KDM4C: variants seen among roughly 807,000 people sequenced by gnomAD.
The protein encoded by KDM4C is lysine demethylase 4C, also known as lysine-specific demethylase 4C.
KDM4C carries 81 observed loss-of-function variants against 129.3 expected under a neutral mutation model. The ratio of observed to expected loss-of-function variants is 0.63; its 90% CI spans 0.52 to 0.75. The LOEUF is 0.75. Ranked by LOEUF, KDM4C falls within the 30% of genes least tolerant of loss-of-function variation. KDM4C has a pLI of 0.00. For synonymous variants in KDM4C, 573 were observed against 456.1 expected, an observed-to-expected ratio of 1.26 and a Z score of -3.26; for missense variants, 1,457 against 1,304.0, an observed-to-expected ratio of 1.12 and a Z score of -1.81.
intron 1 of KDM4C, among the ~76,000 whole-genome samples, chr9:6,736,248 A>G (rs527720173): frequency 6.6e-6 from 1 of 152,284 alleles, no homozygotes; most frequent in East Asian, 1.9e-4. Flanking sequence ...AGAAAAGAAA[A>G]TCTCATTTTC....
chr9:6,949,811 C>T (rs1044087869), intron 8 of KDM4C, among the ~76,000 whole-genome samples: 7 of 152,068 alleles, frequency 4.6e-5, no homozygotes, highest in African/African-American at 7.2e-5. Flanking sequence ...AGCTTCGGCT[C>T]GGCATCAGAG....
chr9:6,803,144 C>A (rs763496690), intron 2 of KDM4C, among the ~76,000 whole-genome samples: 6 of 152,144 alleles, frequency 3.9e-5, no homozygotes, highest in Non-Finnish European at 7.3e-5. Context: ...GGGCCTGTAT[C>A]GTGCCAGCAA....
intron 8 of KDM4C, among the ~76,000 whole-genome samples, chr9:6,932,491 A>T (rs953514007): frequency 6.6e-6 from 1 of 152,216 alleles, no homozygotes; most frequent in Non-Finnish European, 1.5e-5. Context: ...ACTGAAGTTT[A>T]GAGAGATGCT....
chr9:6,826,134 A>G (rs1397549200), intron 4 of KDM4C, among the ~76,000 whole-genome samples: 1 of 152,146 alleles, frequency 6.6e-6, no homozygotes, highest in East Asian at 1.9e-4. Flanking sequence ...TTAATACAAA[A>G]AAATATAAAT....
At chr9:6,744,608 T>C (rs1188125961) in intron 1 of KDM4C, among the ~76,000 whole-genome samples, 2 of 152,132 alleles carry the variant, frequency 1.3e-5, no homozygotes, top group African/African-American at 2.4e-5. Context: ...GTTGGTCAGA[T>C]TGGTCTTGAA....
intron 1 of KDM4C, among the ~76,000 whole-genome samples, chr9:6,732,355 A>C (rs1170832649): frequency 1.2e-4 from 14 of 118,248 alleles, no homozygotes; most frequent in Middle Eastern, 5.0e-3. Context: ...ACAGAGCAAG[A>C]CTCTGTCTCA....
intron 17 of KDM4C, among the ~76,000 whole-genome samples, chr9:7,056,352 A>AG (rs1022749365): frequency 6.7e-6 from 1 of 148,216 alleles, no homozygotes; most frequent in Non-Finnish European, 1.5e-5. Context: ...GTGTAGTGCA[A>AG]AAAAAAAAAA....
intron 5 of KDM4C, among the ~76,000 whole-genome samples, chr9:6,864,457 A>C (rs1841548564): frequency 6.6e-6 from 1 of 152,064 alleles, no homozygotes; most frequent in South Asian, 2.1e-4. Flanking sequence ...ACCTTTGAGA[A>C]ATTTATTATA....
intron 1 of KDM4C, among the ~76,000 whole-genome samples, chr9:6,742,558 C>CTT (rs113102026): frequency 6.1e-4 from 85 of 139,368 alleles, no homozygotes; most frequent in Middle Eastern, 7.3e-3. Flanking sequence ...GTTTCTTCAA[C>CTT]TTTTTTTTTT....
intron 6 of KDM4C, among the ~76,000 whole-genome samples, chr9:6,882,427 G>A (rs529661567): frequency 1.3e-5 from 2 of 152,244 alleles, no homozygotes; most frequent in East Asian, 1.9e-4. Flanking sequence ...TTGAGAAAGT[G>A]TACAGATTTT....
At chr9:6,988,114 C>G (rs1234387612) in intron 11 of KDM4C, among the ~76,000 whole-genome samples, 1 of 148,438 alleles carries the variant, frequency 6.7e-6, no homozygotes, top group Non-Finnish European at 1.5e-5. Flanking sequence ...GTGATCCCAC[C>G]ACTGCACTCT....
intron 1 of KDM4C, among the ~76,000 whole-genome samples, chr9:6,749,478 A>G (rs1242539328): frequency 1.3e-5 from 2 of 152,134 alleles, no homozygotes; most frequent in Non-Finnish European, 2.9e-5. Context: ...TGTGGGCAAT[A>G]TGGTGAGACC....
chr9:7,065,720 G>A (rs903865566), intron 17 of KDM4C, among the ~76,000 whole-genome samples: 1 of 152,128 alleles, frequency 6.6e-6, no homozygotes, highest in African/African-American at 2.4e-5. Context: ...TTTTATTTAT[G>A]AAAGCAGTGG....
chr9:6,803,813 G>A (rs72699692), intron 2 of KDM4C, among the ~76,000 whole-genome samples: 19,947 of 151,128 alleles, frequency 0.13, 1,679 homozygotes, highest in African/African-American at 0.23. Flanking sequence ...GACGTTGTAC[G>A]TTCTATTTTA....
intron 8 of KDM4C, among the ~76,000 whole-genome samples, chr9:6,968,929 G>T (rs905772919): frequency 4.6e-5 from 7 of 151,964 alleles, no homozygotes; most frequent in African/African-American, 1.7e-4. Context: ...AACTTCTGTT[G>T]GGTTAATTGT....
chr9:6,941,656 A>G (rs1825958333), intron 8 of KDM4C: 1 of 152,014 alleles, frequency 6.6e-6, no homozygotes, highest in Admixed American at 6.6e-5. Flanking sequence ...TTAATGTCAG[A>G]TCTATGCCAC....
At chr9:6,817,837 G>T (rs181576160) in intron 4 of KDM4C, among the ~76,000 whole-genome samples, 103 of 143,720 alleles carry the variant, frequency 7.2e-4, no homozygotes, top group African/African-American at 2.6e-3. Context: ...CGCTATCTTG[G>T]CTCACTGCAA....
At position 6,930,329 on chromosome 9, in the gene KDM4C, G is replaced by C. The variant is rs1284633634; in HGVS notation, c.921+37097G>C. On this transcript the variant is annotated intron_variant, in intron 8 of 21. Transcript: ENST00000381309. ...TGACTTGTCAACATGAGTTGTTTCT[G>C]TAAGTTTCTCTAGAATCTTTTTATA... Among the ~76,000 whole-genome samples the C allele has an allele frequency of 3.9e-5, 6 of 152,168 alleles. No individual in the cohort carries two copies. The East Asian group carries it at 1.2e-3, about 29-fold the overall frequency.
At chr9:7,148,643 G>C (rs1381698832) in intron 19 of KDM4C, among the ~76,000 whole-genome samples, 4 of 152,222 alleles carry the variant, frequency 2.6e-5, no homozygotes, top group African/African-American at 9.6e-5. Context: ...CAGGTCCCAA[G>C]TTCTTGTCCT....
Sources: gnomAD v4.1 joint callset for allele counts (sites outside exome capture counted in the v4.1 genomes callset) on GRCh38, gnomAD v4.1.1 for gene constraint, MANE v1.5 for transcripts, NCBI Gene and HGNC (gene_info 2026-07-23, HGNC 2026-07-21) for gene names.